The following AFG2A variants were observed in gnomAD, a reference collection of about 807,000 sequenced individuals.
AFG2A encodes the protein ATPase family gene 2 protein homolog A.
the AFG2A span, among the ~76,000 whole-genome samples, chr4:123,268,064 A>G: frequency 2.6e-5 from 4 of 152,202 alleles, no homozygotes; most frequent in East Asian, 5.8e-4. Context: ...ATATTAATAG[A>G]CACACACAGT....
the AFG2A span, among the ~76,000 whole-genome samples, chr4:123,185,794 G>A: frequency 6.6e-6 from 1 of 151,926 alleles, no homozygotes; most frequent in African/African-American, 2.4e-5. Context: ...ACAATATATG[G>A]GGGCTTTAAA....
At chr4:123,106,897 T>C in the AFG2A span, among the ~76,000 whole-genome samples, 1 of 152,248 alleles carries the variant, frequency 6.6e-6, no homozygotes, top group African/African-American at 2.4e-5. Context: ...TGTGGGCAAG[T>C]GAGCCCAGGT....
chr4:123,152,858 A>G, the AFG2A span, among the ~76,000 whole-genome samples: 1 of 152,244 alleles, frequency 6.6e-6, no homozygotes. Flanking sequence ...GGGATAGCTG[A>G]CATCTGATGG....
chr4:122,933,055 G>C, the AFG2A span, among the ~76,000 whole-genome samples: 2 of 152,184 alleles, frequency 1.3e-5, no homozygotes, highest in Admixed American at 6.5e-5. Context: ...GTGCTCATAT[G>C]TGTGCATGTG....
At chr4:123,301,909 C>T in the AFG2A span, among the ~76,000 whole-genome samples, 27 of 152,146 alleles carry the variant, frequency 1.8e-4, 1 homozygote, top group Admixed American at 1.8e-3. Context: ...AGAGAAGACT[C>T]TAACAACCCA....
the AFG2A span, among the ~76,000 whole-genome samples, chr4:123,247,224 C>CGTGT: frequency 0.032 from 4,727 of 149,670 alleles, 245 homozygotes; most frequent in African/African-American, 0.11. Flanking sequence ...TACTTGCGTG[C>CGTGT]GTGTGTGTGT....
chr4:123,301,890 T>C, the AFG2A span, among the ~76,000 whole-genome samples: 2 of 152,084 alleles, frequency 1.3e-5, no homozygotes, highest in African/African-American at 2.4e-5. Flanking sequence ...AGATTAAGAC[T>C]GGGTATAAAG....
At chr4:123,178,749 T>C in the AFG2A span, among the ~76,000 whole-genome samples, 1 of 152,218 alleles carries the variant, frequency 6.6e-6, no homozygotes, top group African/African-American at 2.4e-5. Context: ...CTAAAAAATA[T>C]ATTAAGAATG....
the AFG2A span, among the ~76,000 whole-genome samples, chr4:123,098,436 G>A: frequency 6.6e-6 from 1 of 152,030 alleles, no homozygotes; most frequent in South Asian, 2.1e-4. Context: ...GTTAACGATA[G>A]TCACCCTACA....
chr4:123,158,951 A>G, the AFG2A span, among the ~76,000 whole-genome samples: 1 of 152,246 alleles, frequency 6.6e-6, no homozygotes, highest in Non-Finnish European at 1.5e-5. Flanking sequence ...ATTAATAGCG[A>G]AAACCACAGA....
the AFG2A span, among the ~76,000 whole-genome samples, chr4:123,290,565 G>A: frequency 6.6e-6 from 1 of 152,186 alleles, no homozygotes; most frequent in East Asian, 1.9e-4. Flanking sequence ...ATTTACAAAA[G>A]AAAGAGGTTT....
At chr4:123,165,987 A>G in the AFG2A span, among the ~76,000 whole-genome samples, 1 of 152,060 alleles carries the variant, frequency 6.6e-6, no homozygotes, top group Non-Finnish European at 1.5e-5. Context: ...TATGCCTGAT[A>G]TTTTTGGCTT....
At chr4:122,929,167 T>A in the AFG2A span, 22 of 1,607,334 alleles carry the variant, frequency 1.4e-5, no homozygotes, top group Non-Finnish European at 1.6e-5. Flanking sequence ...GGTGCTGTGC[T>A]ACAGGCTGAG....
the AFG2A span, among the ~76,000 whole-genome samples, chr4:122,952,606 T>C: frequency 3.3e-5 from 5 of 152,212 alleles, no homozygotes; most frequent in East Asian, 5.8e-4. Flanking sequence ...TAGCTCATCC[T>C]GTTTGCCAGA....
chr4:123,233,202 A>G, the AFG2A span, among the ~76,000 whole-genome samples: 1 of 151,766 alleles, frequency 6.6e-6, no homozygotes, highest in Non-Finnish European at 1.5e-5. Context: ...AAGTTTTCAA[A>G]CTCTTTTTTA....
At chr4:123,040,443 G>T in the AFG2A span, among the ~76,000 whole-genome samples, 1 of 152,046 alleles carries the variant, frequency 6.6e-6, no homozygotes, top group Non-Finnish European at 1.5e-5. Flanking sequence ...ATTTTTAAAG[G>T]GATATTAACA....
the AFG2A span, among the ~76,000 whole-genome samples, chr4:122,933,278 C>T: frequency 6.6e-6 from 1 of 152,138 alleles, no homozygotes; most frequent in African/African-American, 2.4e-5. Context: ...CTGAAAAATG[C>T]CCATCATTTC....
chr4:123,280,720 C>T, the AFG2A span, among the ~76,000 whole-genome samples: 25 of 152,194 alleles, frequency 1.6e-4, no homozygotes, highest in Non-Finnish European at 3.4e-4. Context: ...TACGTTTGAC[C>T]TATCCAGATA....
At chr4:123,226,888 G>A in the AFG2A span, among the ~76,000 whole-genome samples, 4 of 151,988 alleles carry the variant, frequency 2.6e-5, no homozygotes, top group Non-Finnish European at 5.9e-5. Flanking sequence ...CAATTTCAGA[G>A]CCTGTTATTG....
Sources: allele counts gnomAD v4.1 joint callset (sites outside exome capture counted in the v4.1 genomes callset), GRCh38; gene constraint gnomAD v4.1.1; transcripts MANE v1.5; gene names NCBI Gene and HGNC (gene_info 2026-07-23, HGNC 2026-07-21).